Variants in UGGT1 observed in about 807,000 individuals in gnomAD.
UGGT1 encodes UDP-glucose glycoprotein glucosyltransferase 1, also known as UDP-glucose:glycoprotein glucosyltransferase 1.
A neutral mutation model predicts 203.9 loss-of-function variants in UGGT1; 107 were observed. The ratio of observed to expected loss-of-function variants is 0.52; its 90% confidence interval spans 0.45 to 0.62. The LOEUF (loss-of-function observed/expected upper bound fraction) is 0.62. UGGT1 is among the 20% of genes least tolerant of loss of function. The pLI is 0.00. For missense variants in UGGT1, 1,673 were observed against 1,867.2 expected (o/e 0.90, Z 1.92); for synonymous variants, 628 against 653.5 (o/e 0.96, Z 0.59).
At chr2:128,127,580 G>A (rs1688664624) in intron 12 of UGGT1, 128 bp downstream of exon 12, 1 of 664,666 alleles carries the variant, frequency 1.5e-6, no homozygotes, top group Non-Finnish European at 2.6e-6. Context: ...CCCCCACTGG[G>A]TGGACGTAGG....
chr2:128,181,438 G>A (rs947445248), intron 36 of UGGT1, among the ~76,000 whole-genome samples: 2 of 152,222 alleles, frequency 1.3e-5, no homozygotes, highest in African/African-American at 4.8e-5. Flanking sequence ...CGAAGCTTAA[G>A]TGGATACATG....
chr2:128,130,688 C>T lies in UGGT1; in HGVS notation c.1377+1509C>T, dbSNP rs533233876. On this transcript the variant is annotated intron_variant, in intron 13 of 40. Transcript: ENST00000259253. Reference sequence around the variant, plus strand: ...GTTGAAGCCCTTCTTTGTCCCTTACCAACCACCCCTCTCCTTCCTGAAGTT... The same window carrying T: ...GTTGAAGCCCTTCTTTGTCCCTTACTAACCACCCCTCTCCTTCCTGAAGTT... 1.7e-4 allele frequency among the ~76,000 whole-genome samples: 26 copies of T among 152,258 alleles called. No individual in the cohort carries two copies. The South Asian group carries it at 4.6e-3, about 27-fold the overall frequency.
At chr2:128,150,041 T>A (rs2105477971) in intron 18 of UGGT1, among the ~76,000 whole-genome samples, 1 of 152,356 alleles carries the variant, frequency 6.6e-6, no homozygotes, top group South Asian at 2.1e-4. Context: ...TTTCACTAGT[T>A]ACAGACAGTG....
intron 2 of UGGT1, among the ~76,000 whole-genome samples, chr2:128,098,140 G>T (rs1296738144): frequency 2.0e-5 from 3 of 152,154 alleles, no homozygotes; most frequent in Non-Finnish European, 2.9e-5. Flanking sequence ...TGGGATTACA[G>T]ATGTGAGCCA....
At chr2:128,156,558 T>A in intron 21 of UGGT1, 143 bp downstream of exon 21, 1 of 430,358 alleles carries the variant, frequency 2.3e-6, no homozygotes, top group Admixed American at 4.6e-5. Flanking sequence ...GTAGATAATT[T>A]TTTTTTTTTT....
intron 8 of UGGT1, among the ~76,000 whole-genome samples, chr2:128,117,662 G>A (rs988971579): frequency 4.0e-5 from 6 of 150,032 alleles, no homozygotes; most frequent in Admixed American, 2.0e-4. Context: ...TCCTGCCTTA[G>A]CCTCCCAAGT....
rs1692355295 is a variant in UGGT1 at position 128,193,183 on chromosome 2, A to G, written c.*3441A>G. 1 of 150,450 alleles carries G rather than the reference A, an allele frequency of 6.6e-6. No homozygotes were observed. The highest frequency in any genetic ancestry group is 1.5e-5 in the Non-Finnish European group (1 of 68,154). 9.3% of individuals were successfully genotyped at this position (150,450 alleles called of 1,614,324 possible). On this transcript the variant is annotated 3_prime_UTR_variant, in exon 41 of 41. Coordinates refer to ENST00000259253, the MANE Select transcript of UGGT1 (RefSeq NM_020120.4). Reference sequence around the variant, plus strand: ...AGAGCGAGACTCCGTCTCAAAAAAAAAAAAAAAAAAAAAAAAAAAATTAAA... The same window carrying G: ...AGAGCGAGACTCCGTCTCAAAAAAAGAAAAAAAAAAAAAAAAAAAATTAAA...
intron 8 of UGGT1, among the ~76,000 whole-genome samples, chr2:128,118,897 T>A (rs576333163): frequency 4.9e-4 from 74 of 152,226 alleles, no homozygotes; most frequent in African/African-American, 1.5e-3. Context: ...CTTGAACTCC[T>A]GGGCTCAAGG....
chr2:128,109,392 G>A (rs923915930), intron 4 of UGGT1, among the ~76,000 whole-genome samples: 7 of 151,750 alleles, frequency 4.6e-5, no homozygotes, highest in Non-Finnish European at 8.8e-5. Context: ...ATTTTTTGTA[G>A]AGATGGGGTC....
chr2:128,180,960 G>A lies in UGGT1; in HGVS notation c.3971G>A (p.Trp1324Ter), dbSNP rs1370948278. The A allele has an allele frequency of 6.2e-7, 1 of 1,614,110 alleles. No individual in the cohort carries two copies. Among genetic ancestry groups the A allele is most frequent in the Non-Finnish European group, 8.5e-7 (1 of 1,180,032 alleles). Residue 1324 changes from tryptophan (W) to a stop codon, truncating the protein, a stop_gained, in exon 36 of 41, where the codon TGG (tryptophan) becomes TAG (stop). Coordinates refer to ENST00000259253, the MANE Select transcript of UGGT1 (RefSeq NM_020120.4). LOFTEE classifies it high-confidence loss of function. Reference protein sequence around the residue: ...YELVQYKWPRWLHQQTEKQRI... With the variant: ...YELVQYKWPR ...CTTGTTCAGTACAAATGGCCCCGGT[G>A]GCTTCATCAACAAACTGAAAAACAG...
At chr2:128,177,567 G>A (rs1211005833) in intron 32 of UGGT1, among the ~76,000 whole-genome samples, 1 of 152,128 alleles carries the variant, frequency 6.6e-6, no homozygotes, top group Non-Finnish European at 1.5e-5. Context: ...TTGAGTTTGC[G>A]GCTCTTTGCC....
intron 15 of UGGT1, among the ~76,000 whole-genome samples, chr2:128,137,839 C>T (rs1159592303): frequency 2.0e-5 from 3 of 152,152 alleles, no homozygotes; most frequent in Non-Finnish European, 4.4e-5. Context: ...CCAGTATGTT[C>T]AGTGCAAAGT....
intron 28 of UGGT1, 75 bp from the exon 29 acceptor site, chr2:128,172,498 A>G (rs1033670811): frequency 1.3e-6 from 2 of 1,487,030 alleles, no homozygotes; most frequent in African/African-American, 2.8e-5. Context: ...ACCAGTTGTT[A>G]CCTGTGTAAG....
At chr2:128,109,521 C>T (rs1687754808) in intron 4 of UGGT1, 113 bp from the exon 5 acceptor site, 2 of 852,170 alleles carry the variant, frequency 2.3e-6, no homozygotes, top group African/African-American at 1.7e-5. Flanking sequence ...CACACTCAGC[C>T]AGTTTCAACA....
intron 11 of UGGT1, among the ~76,000 whole-genome samples, chr2:128,126,007 A>G (rs1688581148): frequency 6.8e-6 from 1 of 146,066 alleles, no homozygotes; most frequent in Non-Finnish European, 1.5e-5. Context: ...CAGTGGCATG[A>G]TCTCAGCTCA....
At chr2:128,134,753 T>C (rs1364467042) in intron 14 of UGGT1, 123 bp from the exon 15 acceptor site, 2 of 747,100 alleles carry the variant, frequency 2.7e-6, no homozygotes, top group African/African-American at 3.5e-5. Context: ...ATTCATCTTT[T>C]ATGTGGTTCA....
At chr2:128,151,076 C>T (rs1689937737) in intron 18 of UGGT1, 1 of 271,430 alleles carries the variant, frequency 3.7e-6, no homozygotes, top group South Asian at 3.5e-5. Context: ...GTCTTGAACT[C>T]CTGACCTCAG....
At chr2:128,123,296 A>G in intron 11 of UGGT1, 50 bp downstream of exon 11, 1 of 1,518,218 alleles carries the variant, frequency 6.6e-7, no homozygotes, top group East Asian at 2.3e-5. Flanking sequence ...ATCTTTAAAG[A>G]TAAGGAAATC....
At chr2:128,110,355 G>T (rs1687790304) in intron 5 of UGGT1, among the ~76,000 whole-genome samples, 1 of 152,144 alleles carries the variant, frequency 6.6e-6, no homozygotes, top group Non-Finnish European at 1.5e-5. Flanking sequence ...GGCCCTCTCA[G>T]TACTGCTAAT....
Sources: allele counts gnomAD v4.1 joint callset (sites outside exome capture counted in the v4.1 genomes callset), GRCh38; gene constraint gnomAD v4.1.1; transcripts MANE v1.5; gene names NCBI Gene and HGNC (gene_info 2026-07-23, HGNC 2026-07-21).